CNTN5: variants seen among roughly 807,000 people sequenced by gnomAD.
The protein encoded by CNTN5 is contactin-5.
Under a neutral mutation model 129.1 loss-of-function variants are expected in CNTN5, and 77 were observed. That is an observed-to-expected ratio of 0.60 (90% CI 0.50 to 0.72). CNTN5 has a LOEUF of 0.72. CNTN5 is among the 30% of genes least tolerant of loss of function. The pLI is 0.00. For synonymous variants in CNTN5, 509 were observed against 465.6 expected (o/e 1.09, Z -1.20); for missense variants, 1,478 against 1,328.8 (o/e 1.11, Z -1.75).
At chr11:99,844,609 C>A (rs199714349) in intron 4 of CNTN5, 2 of 470,722 alleles carry the variant, frequency 4.2e-6, no homozygotes, top group Admixed American at 3.7e-5. Flanking sequence ...ATATAAATGT[C>A]TGAGGTTTGT....
intron 3 of CNTN5, among the ~76,000 whole-genome samples, chr11:99,654,761 A>G (rs895336342): frequency 6.6e-5 from 10 of 152,120 alleles, no homozygotes; most frequent in Non-Finnish European, 1.2e-4. Context: ...CAATTAAACA[A>G]ATCTTAGAAG....
intron 13 of CNTN5, among the ~76,000 whole-genome samples, chr11:100,183,671 A>G (rs1351627827): frequency 6.6e-6 from 1 of 152,140 alleles, no homozygotes; most frequent in Admixed American, 6.6e-5. Flanking sequence ...TCTGAGGGTG[A>G]TGCATATGTT....
intron 6 of CNTN5, among the ~76,000 whole-genome samples, chr11:99,910,148 T>G (rs904160558): frequency 2.0e-5 from 3 of 152,094 alleles, no homozygotes; most frequent in Non-Finnish European, 4.4e-5. Context: ...TGAGTTCTTA[T>G]TCTTGTTACC....
chr11:99,101,213 A>G (rs765050897), intron 1 of CNTN5, among the ~76,000 whole-genome samples: 2 of 152,176 alleles, frequency 1.3e-5, no homozygotes, highest in African/African-American at 4.8e-5. Context: ...CACCCCCATG[A>G]TTCAGTTATC....
intron 3 of CNTN5, among the ~76,000 whole-genome samples, chr11:99,655,514 G>A (rs1000044966): frequency 5.9e-5 from 9 of 152,038 alleles, no homozygotes; most frequent in African/African-American, 2.2e-4. Context: ...GTCCCCTCAA[G>A]GTCCTAGGTC....
chr11:100,091,126 A>T (rs1944764699), intron 13 of CNTN5, among the ~76,000 whole-genome samples: 1 of 152,018 alleles, frequency 6.6e-6, no homozygotes, highest in Admixed American at 6.6e-5. Flanking sequence ...CTTCATGCTC[A>T]TGAAAGTCCA....
At chr11:99,321,023 C>T (rs886872563) in intron 1 of CNTN5, among the ~76,000 whole-genome samples, 1 of 152,074 alleles carries the variant, frequency 6.6e-6, no homozygotes, top group African/African-American at 2.4e-5. Context: ...TGAGACATTG[C>T]TTGTTTTTTT....
At chr11:99,884,402 A>G (rs535859738) in intron 6 of CNTN5, among the ~76,000 whole-genome samples, 2 of 152,330 alleles carry the variant, frequency 1.3e-5, no homozygotes, top group South Asian at 4.1e-4. Flanking sequence ...AAATTGACCA[A>G]AGAGATTTGA....
chr11:99,734,956 C>T (rs145686673), intron 3 of CNTN5, among the ~76,000 whole-genome samples: 2,012 of 152,296 alleles, frequency 0.013, 23 homozygotes, highest in Non-Finnish European at 0.018. Context: ...TGCAGTGAGC[C>T]GAGATAGCAC....
intron 1 of CNTN5, among the ~76,000 whole-genome samples, chr11:99,088,928 T>C (rs148562176): frequency 6.6e-6 from 1 of 152,322 alleles, no homozygotes; most frequent in East Asian, 1.9e-4. Flanking sequence ...AAAAGAAATA[T>C]ATGATACAGT....
chr11:99,715,459 T>C (rs796519534), intron 3 of CNTN5, among the ~76,000 whole-genome samples: 2 of 151,350 alleles, frequency 1.3e-5, no homozygotes, highest in African/African-American at 4.8e-5. Flanking sequence ...AGTGGTGGCA[T>C]TGATGAGGCT....
intron 2 of CNTN5, among the ~76,000 whole-genome samples, chr11:99,395,007 T>A (rs960098454): frequency 1.3e-5 from 2 of 151,928 alleles, no homozygotes; most frequent in African/African-American, 4.8e-5. Flanking sequence ...AATATGCACA[T>A]GTGTGTGACT....
intron 1 of CNTN5, among the ~76,000 whole-genome samples, chr11:99,119,726 A>G (rs1858216201): frequency 6.6e-6 from 1 of 152,050 alleles, no homozygotes; most frequent in African/African-American, 2.4e-5. Flanking sequence ...GCTTTCCACA[A>G]TGGGTGAACT....
At chr11:99,830,927 C>A (rs1947119920) in intron 4 of CNTN5, among the ~76,000 whole-genome samples, 1 of 152,086 alleles carries the variant, frequency 6.6e-6, no homozygotes, top group South Asian at 2.1e-4. Context: ...AGGACTGCTT[C>A]ATTTTTCTTG....
chr11:100,338,749 G>A (rs1349092869), intron 21 of CNTN5, among the ~76,000 whole-genome samples: 1 of 152,182 alleles, frequency 6.6e-6, no homozygotes, highest in Non-Finnish European at 1.5e-5. Flanking sequence ...GCTGCTGGCA[G>A]GAAAAATCTC....
intron 3 of CNTN5, among the ~76,000 whole-genome samples, chr11:99,758,879 A>T (rs1366097301): frequency 6.6e-6 from 1 of 152,052 alleles, no homozygotes; most frequent in African/African-American, 2.4e-5. Flanking sequence ...ACATGTAATA[A>T]ATCTGGAGTA....
chr11:99,895,761 A>C (rs1949188935), intron 6 of CNTN5, among the ~76,000 whole-genome samples: 1 of 152,078 alleles, frequency 6.6e-6, no homozygotes, highest in African/African-American at 2.4e-5. Context: ...AGCTATGTGG[A>C]GTCTGTGCAG....
intron 2 of CNTN5, among the ~76,000 whole-genome samples, chr11:99,469,365 T>C (rs1490903831): frequency 2.0e-5 from 3 of 152,156 alleles, no homozygotes; most frequent in African/African-American, 4.8e-5. Context: ...TTCAAAATTA[T>C]CTATTTCTTA....
rs141408293 is a variant in CNTN5, at chr11:99,991,743, G to GGTTTGTTTGTTT, written c.878-10278_878-10267dup. Among the ~76,000 whole-genome samples the GGTTTGTTTGTTT allele has an allele frequency of 5.5e-3, 766 of 140,488 alleles. 3 individuals are homozygous for GGTTTGTTTGTTT. Among genetic ancestry groups the GGTTTGTTTGTTT allele is most frequent in the Non-Finnish European group, 7.7e-3 (506 of 65,694 alleles). The allele number at this position is 140,488 out of a possible 152,430, so 92.2% of individuals were successfully genotyped here. On this transcript the variant is annotated intron_variant, in intron 8 of 24. Transcript: ENST00000524871. ...AGCTCCAGTGACTGTCAGACATGCA[G>GGTTTGTTTGTTT]GTTTGTTTGTTTGTTTGTTTGTTTC...
Sources: gnomAD v4.1 joint callset for allele counts (sites outside exome capture counted in the v4.1 genomes callset) on GRCh38, gnomAD v4.1.1 for gene constraint, MANE v1.5 for transcripts, NCBI Gene and HGNC (gene_info 2026-07-23, HGNC 2026-07-21) for gene names.